CECR2: variants seen among roughly 807,000 people sequenced by gnomAD.
CECR2 encodes CECR2 histone acetyl-lysine reader, also known as chromatin remodeling regulator CECR2.
Under a neutral mutation model 154.5 loss-of-function variants are expected in CECR2, and 30 were observed. The observed-to-expected ratio is 0.19, with a 90% confidence interval of 0.15 to 0.26. The LOEUF (loss-of-function observed/expected upper bound fraction) is 0.26. CECR2 is among the 10% of genes least tolerant of loss of function. CECR2 has a pLI of 1.00. For missense variants in CECR2, 1,743 were observed against 1,829.3 expected, an observed-to-expected ratio of 0.95 and a Z score of 0.86; for synonymous variants, 725 against 683.7, an observed-to-expected ratio of 1.06 and a Z score of -0.94.
At chr22:17,390,451 T>C (rs73153492) in intron 1 of CECR2, among the ~76,000 whole-genome samples, 20,563 of 152,208 alleles carry the variant, frequency 0.14, 1,361 homozygotes, top group East Asian at 0.22. Flanking sequence ...TTTTCTCTTA[T>C]AATTAACAAG....
intron 9 of CECR2, among the ~76,000 whole-genome samples, chr22:17,533,052 T>G (rs2056382928): frequency 1.3e-5 from 2 of 151,890 alleles, no homozygotes; most frequent in African/African-American, 4.8e-5. Flanking sequence ...GCGCGGTGGC[T>G]CACACCTGTA....
intron 5 of CECR2, among the ~76,000 whole-genome samples, chr22:17,502,532 G>A (rs753509000): frequency 6.6e-6 from 1 of 152,146 alleles, no homozygotes; most frequent in Non-Finnish European, 1.5e-5. Context: ...GGCTGGGCAC[G>A]GTGGCTCACG....
intron 1 of CECR2, among the ~76,000 whole-genome samples, chr22:17,407,416 T>G (rs1005227641): frequency 1.3e-5 from 2 of 152,002 alleles, no homozygotes; most frequent in Non-Finnish European, 2.9e-5. Flanking sequence ...GCCAACATAG[T>G]GAAACCCCAT....
chr22:17,482,874 A>G (rs1429311536), intron 2 of CECR2, among the ~76,000 whole-genome samples: 3 of 150,454 alleles, frequency 2.0e-5, no homozygotes, highest in East Asian at 2.0e-4. Context: ...GTAGAGACGG[A>G]GTTTCACCGC....
chr22:17,406,339 G>T (rs1373495671), intron 1 of CECR2, among the ~76,000 whole-genome samples: 1 of 152,142 alleles, frequency 6.6e-6, no homozygotes, highest in Non-Finnish European at 1.5e-5. Context: ...TGGCCAACAT[G>T]ACGAAACCCC....
chr22:17,535,703 T>A (rs2056427685), intron 9 of CECR2, among the ~76,000 whole-genome samples: 1 of 151,676 alleles, frequency 6.6e-6, no homozygotes. Flanking sequence ...AAAAAAATAG[T>A]TGGTTTAGAG....
At chr22:17,471,341 G>T (rs2055123737) in intron 1 of CECR2, among the ~76,000 whole-genome samples, 1 of 152,080 alleles carries the variant, frequency 6.6e-6, no homozygotes, top group Non-Finnish European at 1.5e-5. Context: ...CAGTATACTA[G>T]TCACCTAGTA....
At position 17,548,486 on chromosome 22, in the gene CECR2, G is replaced by A. The variant is rs562067573; in HGVS notation, c.3199G>A (p.Glu1067Lys). ...VIGEASPCGSEGKGLGSSGSE... is the reference protein window; with the variant it reads ...VIGEASPCGSKGKGLGSSGSE... Reference sequence around the variant, plus strand: ...TGGGGAAGCATCTCCTTGTGGATCGGAGGGGAAGGGCCTTGGTAGCAGTGG... The same window carrying A: ...TGGGGAAGCATCTCCTTGTGGATCGAAGGGGAAGGGCCTTGGTAGCAGTGG... The change falls in exon 17 of 19, where the codon GAG (glutamate) becomes AAG (lysine). Residue 1067 changes from glutamate to lysine, a missense_variant. Coordinates refer to ENST00000262608, the MANE Select transcript of CECR2 (RefSeq NM_001290047.2). The A allele has an allele frequency of 3.1e-6, 5 of 1,613,976 alleles. No homozygotes were observed. The highest frequency in any genetic ancestry group is 1.1e-5 in the South Asian group (1 of 91,068).
At chr22:17,496,625 GGAGGACTTTCTGCCTT>G (rs2055633708) in intron 2 of CECR2, among the ~76,000 whole-genome samples, 2 of 152,178 alleles carry the variant, frequency 1.3e-5, no homozygotes, top group Admixed American at 6.5e-5. Flanking sequence ...TTTGTATTCT[GGAGGACTTTCTGCCTT>G]TGTATCTTAA....
intron 9 of CECR2, among the ~76,000 whole-genome samples, chr22:17,530,132 A>G (rs536008859): frequency 4.6e-5 from 7 of 151,674 alleles, no homozygotes; most frequent in Admixed American, 2.0e-4. Context: ...TAGCATCTCA[A>G]CAGTGCTGAT....
chr22:17,491,693 G>C (rs1394798031), intron 2 of CECR2, among the ~76,000 whole-genome samples: 1 of 151,222 alleles, frequency 6.6e-6, no homozygotes. Context: ...CATGATACTT[G>C]AGACTTCTCA....
intron 2 of CECR2, among the ~76,000 whole-genome samples, chr22:17,495,445 T>A (rs996743297): frequency 1.3e-5 from 2 of 151,872 alleles, no homozygotes; most frequent in Non-Finnish European, 2.9e-5. Flanking sequence ...GGTGGGCATC[T>A]GTAATCCTAG....
At chr22:17,446,544 C>T (rs868715724) in intron 1 of CECR2, among the ~76,000 whole-genome samples, 1 of 151,944 alleles carries the variant, frequency 6.6e-6, no homozygotes, top group African/African-American at 2.4e-5. Flanking sequence ...GGTGAAACCC[C>T]GTCTCTACTA....
chr22:17,391,540 C>T (rs1349263340), intron 1 of CECR2, among the ~76,000 whole-genome samples: 1 of 152,164 alleles, frequency 6.6e-6, no homozygotes, highest in Non-Finnish European at 1.5e-5. Flanking sequence ...TTCCATAGGG[C>T]TGTGGTGAGG....
intron 1 of CECR2, among the ~76,000 whole-genome samples, chr22:17,376,104 A>T (rs2063116084): frequency 2.0e-5 from 3 of 152,206 alleles, no homozygotes; most frequent in Admixed American, 2.0e-4. Flanking sequence ...AGAAGGACAG[A>T]TCTGTGCAGG....
intron 2 of CECR2, 74 bp from the exon 3 acceptor site, chr22:17,497,329 C>G: frequency 2.4e-6 from 3 of 1,225,004 alleles, no homozygotes; most frequent in Non-Finnish European, 2.2e-6. Context: ...ATCATGAGTT[C>G]TCTCTCTCTC....
chr22:17,441,019 G>C (rs1292442615), intron 1 of CECR2, among the ~76,000 whole-genome samples: 1 of 152,160 alleles, frequency 6.6e-6, no homozygotes, highest in Non-Finnish European at 1.5e-5. Context: ...GTGCAGTGGA[G>C]TGATCTCAGC....
chr22:17,471,491 T>C lies in CECR2; in HGVS notation c.127-6097T>C, dbSNP rs1448597653. On this transcript the variant is annotated intron_variant, in intron 1 of 18. Transcript: ENST00000262608. Reference sequence around the variant, plus strand: ...TTCCAACTTTCGCAGTGCTCAGGAATTGTTAATATGAGTGTGGGGTTTTTT... The same window carrying C: ...TTCCAACTTTCGCAGTGCTCAGGAACTGTTAATATGAGTGTGGGGTTTTTT... Among the ~76,000 whole-genome samples the C allele has an allele frequency of 2.6e-5, 4 of 152,226 alleles. No individual in the cohort carries two copies. In the East Asian group the frequency reaches 7.7e-4, roughly 29 times the overall value.
chr22:17,393,983 G>T (rs61491924), intron 1 of CECR2, among the ~76,000 whole-genome samples: 12,204 of 151,002 alleles, frequency 0.081, 574 homozygotes, highest in East Asian at 0.17. Flanking sequence ...TGCCTCCCGG[G>T]TTCAAGCAAT....
Sources: gnomAD v4.1 joint callset for allele counts (sites outside exome capture counted in the v4.1 genomes callset) on GRCh38, gnomAD v4.1.1 for gene constraint, MANE v1.5 for transcripts, NCBI Gene and HGNC (gene_info 2026-07-23, HGNC 2026-07-21) for gene names.